The following RRAS2 variants were observed in gnomAD, a reference collection of about 807,000 sequenced individuals.
The protein encoded by RRAS2 is RAS related 2.
In RRAS2, 7 loss-of-function variants were observed where a neutral mutation model predicts 27.6. The ratio of observed to expected loss-of-function variants is 0.25; its 90% confidence interval spans 0.14 to 0.48. RRAS2 has a LOEUF of 0.48. Among genes scored for constraint, RRAS2 ranks in the 20% least tolerant of loss-of-function variants. RRAS2 has a pLI of 0.99. For missense variants in RRAS2, 178 were observed against 256.2 expected (o/e 0.69, Z 2.08); for synonymous variants, 86 against 90.9 (o/e 0.95, Z 0.31).
At chr11:14,347,572 C>T (rs146579163) in intron 1 of RRAS2, among the ~76,000 whole-genome samples, 2 of 152,228 alleles carry the variant, frequency 1.3e-5, no homozygotes, top group African/African-American at 4.8e-5. Flanking sequence ...GTAATCCCAG[C>T]GCTTTGGGAG....
intron 1 of RRAS2, among the ~76,000 whole-genome samples, chr11:14,351,014 G>A (rs1196555444): frequency 1.3e-5 from 2 of 152,196 alleles, no homozygotes; most frequent in Non-Finnish European, 2.9e-5. Context: ...ACTGTGGGAA[G>A]TGCATCTTCT....
At chr11:14,339,040 A>T (rs1385852763) in intron 1 of RRAS2, among the ~76,000 whole-genome samples, 1 of 152,172 alleles carries the variant, frequency 6.6e-6, no homozygotes, top group Non-Finnish European at 1.5e-5. Flanking sequence ...ACCTTCTAGA[A>T]ATCAGGAGAA....
At chr11:14,280,477 C>T (rs1849493962) in intron 5 of RRAS2, among the ~76,000 whole-genome samples, 1 of 151,988 alleles carries the variant, frequency 6.6e-6, no homozygotes, top group African/African-American at 2.4e-5. Context: ...GCTGTAATCC[C>T]AGCACTTTGG....
chr11:14,319,917 C>A (rs1177039207), intron 1 of RRAS2, among the ~76,000 whole-genome samples: 7 of 152,020 alleles, frequency 4.6e-5, no homozygotes, highest in Non-Finnish European at 1.0e-4. Context: ...AAAACATATA[C>A]GTTATAAAAC....
intron 1 of RRAS2, among the ~76,000 whole-genome samples, chr11:14,331,375 TC>T (rs1848476565): frequency 1.3e-5 from 2 of 152,076 alleles, no homozygotes; most frequent in Non-Finnish European, 2.9e-5. Context: ...TCTACAGATA[TC>T]AAAACAGCAT....
At chr11:14,354,600 A>G (rs1357376046) in intron 1 of RRAS2, 1 of 151,964 alleles carries the variant, frequency 6.6e-6, no homozygotes, top group Non-Finnish European at 1.5e-5. Flanking sequence ...AAATGAAAAA[A>G]TTACAAATTT....
chr11:14,328,985 A>ATATG (rs1554951519), intron 1 of RRAS2, among the ~76,000 whole-genome samples: 8 of 139,700 alleles, frequency 5.7e-5, no homozygotes, highest in African/African-American at 2.1e-4. Flanking sequence ...TTTTATATAT[A>ATATG]TGTGTGTGTG....
At chr11:14,350,874 A>G (rs951959144) in intron 1 of RRAS2, among the ~76,000 whole-genome samples, 6 of 152,196 alleles carry the variant, frequency 3.9e-5, no homozygotes, top group Admixed American at 2.0e-4. Context: ...AAAGCACTCC[A>G]TATCAGTTAA....
At chr11:14,326,611 T>G (rs1222449524) in intron 1 of RRAS2, among the ~76,000 whole-genome samples, 2 of 152,176 alleles carry the variant, frequency 1.3e-5, no homozygotes, top group African/African-American at 4.8e-5. Flanking sequence ...CCAGCTGACT[T>G]GACAAAATTA....
rs1224602927 is a variant in RRAS2, at chr11:14,279,518, TG to T, written c.528-95del. Reference sequence around the variant, plus strand: ...TTTTGTACAAGTTCACTTTTAAGTGTGTATGCTTTTCAGTGTTAAACTTCAA... The same window carrying T: ...TTTTGTACAAGTTCACTTTTAAGTGTTATGCTTTTCAGTGTTAAACTTCAA... On this transcript the variant is annotated intron_variant, in intron 5 of 5. Transcript: ENST00000256196. The T allele has an allele frequency of 3.8e-5, 36 of 943,282 alleles. No homozygotes were observed. The East Asian group carries it at 5.2e-4, about 14-fold the overall frequency. 58.4% of individuals were successfully genotyped at this position (943,282 alleles called of 1,614,324 possible). A position where few individuals can be genotyped will look rare whatever the true frequency, so the allele number is the denominator to read the frequency against.
At chr11:14,344,457 GA>G (rs1554953818) in intron 1 of RRAS2, among the ~76,000 whole-genome samples, 1 of 152,084 alleles carries the variant, frequency 6.6e-6, no homozygotes, top group African/African-American at 2.4e-5. Flanking sequence ...CTTAATTTTA[GA>G]GGCAAAAAGG....
intron 4 of RRAS2, among the ~76,000 whole-genome samples, chr11:14,290,026 T>C (rs1382861069): frequency 1.3e-5 from 2 of 152,180 alleles, no homozygotes; most frequent in Non-Finnish European, 2.9e-5. Flanking sequence ...GACAAAAAAC[T>C]AAACATCTCT....
intron 1 of RRAS2, among the ~76,000 whole-genome samples, chr11:14,300,697 CA>C (rs1847675968): frequency 6.6e-6 from 1 of 152,112 alleles, no homozygotes; most frequent in African/African-American, 2.4e-5. Flanking sequence ...CACTAGATTG[CA>C]TAACAGGAGC....
chr11:14,335,592 GC>G (rs1848572522), intron 1 of RRAS2, among the ~76,000 whole-genome samples: 1 of 151,984 alleles, frequency 6.6e-6, no homozygotes, highest in African/African-American at 2.4e-5. Flanking sequence ...AAACCAAAAA[GC>G]CCTTAAAATA....
At chr11:14,359,654 G>C (rs750477157), upstream of RRAS2, among the ~76,000 whole-genome samples, 5 of 152,206 alleles carry the variant, frequency 3.3e-5, no homozygotes, top group Non-Finnish European at 7.3e-5. Flanking sequence ...TGAGCATGGA[G>C]AATAAGTCAG....
rs1217538233 is a variant in RRAS2, at chr11:14,334,382, A to T, written c.108+24381T>A. The stretch of plus-strand genomic sequence containing the variant: ...CCTTGCTGTCATTTTAAGATATGAG[A>T]ATTATTTGTATCATCAGCAAATTTA... On this transcript the variant is annotated intron_variant, in intron 1 of 5. Coordinates refer to ENST00000256196, the MANE Select transcript of RRAS2 (RefSeq NM_012250.6). Among the ~76,000 whole-genome samples the T allele has an allele frequency of 3.3e-5, 5 of 152,188 alleles. No homozygotes were observed. The East Asian group carries it at 7.7e-4, about 23-fold the overall frequency.
At chr11:14,318,793 T>C (rs558381453) in intron 1 of RRAS2, among the ~76,000 whole-genome samples, 6 of 152,354 alleles carry the variant, frequency 3.9e-5, no homozygotes, top group South Asian at 2.1e-4. Flanking sequence ...CTTTGGACTA[T>C]TGAAAAGTAA....
chr11:14,359,624 G>A (rs1419299043), upstream of RRAS2, among the ~76,000 whole-genome samples: 2 of 152,208 alleles, frequency 1.3e-5, no homozygotes, highest in East Asian at 1.9e-4. Context: ...TTGTGACAGT[G>A]TGAAGAATGG....
chr11:14,314,721 A>G (rs2133988055), intron 1 of RRAS2, among the ~76,000 whole-genome samples: 1 of 152,208 alleles, frequency 6.6e-6, no homozygotes, highest in East Asian at 1.9e-4. Flanking sequence ...ATGGAGTCTC[A>G]CTCTGTCGCC....
Sources: gnomAD v4.1 joint callset for allele counts (sites outside exome capture counted in the v4.1 genomes callset) on GRCh38, gnomAD v4.1.1 for gene constraint, MANE v1.5 for transcripts, NCBI Gene and HGNC (gene_info 2026-07-23, HGNC 2026-07-21) for gene names.